The following KCNJ12 variants were observed in gnomAD, a reference collection of about 807,000 sequenced individuals.
KCNJ12 encodes the protein ATP-sensitive inward rectifier potassium channel 12.
Under a neutral mutation model 22.3 loss-of-function variants are expected in KCNJ12, and 2 were observed. The ratio of observed to expected loss-of-function variants is 0.09; its 90% CI spans 0.04 to 0.28. The LOEUF is 0.28. KCNJ12 is among the 10% of genes least tolerant of loss of function. The pLI is 1.00. For missense variants in KCNJ12, 155 were observed against 633.3 expected, an observed-to-expected ratio of 0.24 and a Z score of 8.11; for synonymous variants, 117 against 261.4, an observed-to-expected ratio of 0.45 and a Z score of 5.33.
intron 1 of KCNJ12, among the ~76,000 whole-genome samples, chr17:21,393,681 G>T (rs181303395): frequency 6.6e-6 from 1 of 152,294 alleles, no homozygotes; most frequent in East Asian, 1.9e-4. Context: ...CATGCCAGGC[G>T]CTGGAATTGT....
At position 21,417,853 on chromosome 17, in the gene KCNJ12, A is replaced by G; in HGVS notation, c.*1209A>G. ...ATCCTGTCCCTCCCTCACCTGGAGC[A>G]GCACAGCAGAGTTCAGGCAGGGCAC... On this transcript the variant is annotated 3_prime_UTR_variant, in exon 3 of 3. Coordinates refer to ENST00000583088, the MANE Select transcript of KCNJ12 (RefSeq NM_021012.5). 1 of 167,442 alleles carries G rather than the reference A, an allele frequency of 6.0e-6. No individual in the cohort carries two copies. The highest frequency in any genetic ancestry group is 1.5e-5 in the Non-Finnish European group (1 of 68,340). 10.4% of individuals were successfully genotyped at this position (167,442 alleles called of 1,614,324 possible). A position where few individuals can be genotyped will look rare whatever the true frequency, so the allele number is the denominator to read the frequency against.
chr17:21,386,727 C>T (rs1391074080), intron 1 of KCNJ12, among the ~76,000 whole-genome samples: 1 of 152,036 alleles, frequency 6.6e-6, no homozygotes, highest in Non-Finnish European at 1.5e-5. Context: ...AGGATAGTCT[C>T]GATCTCTTGA....
At chr17:21,404,981 T>C (rs1281506692) in intron 1 of KCNJ12, among the ~76,000 whole-genome samples, 1 of 152,300 alleles carries the variant, frequency 6.6e-6, no homozygotes, top group Non-Finnish European at 1.5e-5. Flanking sequence ...CGCCACGGAA[T>C]GTGAGGGGTC....
chr17:21,394,511 A>G (rs1905288019), intron 1 of KCNJ12, among the ~76,000 whole-genome samples: 2 of 152,224 alleles, frequency 1.3e-5, no homozygotes, highest in Admixed American at 6.5e-5. Context: ...TATGGTACTC[A>G]GGGGCTAAGT....
Position 21,418,018 on chromosome 17 carries a change from A to T in KCNJ12, c.*1374A>T, listed in dbSNP as rs1906944779. On this transcript the variant is annotated 3_prime_UTR_variant, in exon 3 of 3. Transcript: ENST00000583088. ...GAATCAGAAACCAGCCGTGGAACAG[A>T]ATTCCTGCCGAGTCTTCCAGGGCCG... 6.0e-6 allele frequency: 1 copy of T among 167,088 alleles called. No individual in the cohort carries two copies. The highest frequency in any genetic ancestry group is 1.5e-5 in the Non-Finnish European group (1 of 68,220). 10.4% of individuals were successfully genotyped at this position (167,088 alleles called of 1,614,324 possible). A position where few individuals can be genotyped will look rare whatever the true frequency, so the allele number is the denominator to read the frequency against.
chr17:21,419,363 TGTTTCC>T lies in KCNJ12; in HGVS notation c.*2722_*2727del. ...GGTTATGTGTCTGTCTACCCCCAGG[TGTTTCC>T]GTGTACAAGTTTCCTGTGAGGGAGG... On this transcript the variant is annotated 3_prime_UTR_variant, in exon 3 of 3. Transcript: ENST00000583088. 3 of 166,874 alleles carry T rather than the reference TGTTTCC, an allele frequency of 1.8e-5. No homozygotes were observed. 10.3% of individuals were successfully genotyped at this position (166,874 alleles called of 1,614,324 possible).
rs1555563414 is a variant in KCNJ12, at chr17:21,419,281, A to G, written c.*2637A>G. Reference sequence around the variant, plus strand: ...GTGTATGACTGGGTTAGTAATACAGATACGTGATCTATACGTGTGTGTGTG... The same window carrying G: ...GTGTATGACTGGGTTAGTAATACAGGTACGTGATCTATACGTGTGTGTGTG... On this transcript the variant is annotated 3_prime_UTR_variant, in exon 3 of 3. Coordinates refer to ENST00000583088, the MANE Select transcript of KCNJ12 (RefSeq NM_021012.5). 2 of 164,980 alleles carry G rather than the reference A, an allele frequency of 1.2e-5. No homozygotes were observed. The highest frequency in any genetic ancestry group is 2.9e-5 in the Non-Finnish European group (2 of 68,162). 10.2% of individuals were successfully genotyped at this position (164,980 alleles called of 1,614,324 possible).
chr17:21,383,231 G>T (rs1246412226), intron 1 of KCNJ12, among the ~76,000 whole-genome samples: 2 of 152,230 alleles, frequency 1.3e-5, no homozygotes, highest in Admixed American at 6.5e-5. Flanking sequence ...AGCCGGGCCC[G>T]AGCTGGCGGC....
chr17:21,379,487 C>A (rs541780563), intron 1 of KCNJ12, among the ~76,000 whole-genome samples: 3 of 152,280 alleles, frequency 2.0e-5, no homozygotes, highest in African/African-American at 7.2e-5. Flanking sequence ...CTGGCCAGGG[C>A]TTTACTGTGA....
chr17:21,377,752 A>G (rs574518590), intron 1 of KCNJ12, among the ~76,000 whole-genome samples: 7 of 152,314 alleles, frequency 4.6e-5, no homozygotes, highest in African/African-American at 1.2e-4. Flanking sequence ...TGTCATGTGA[A>G]TATTTTAAAA....
At chr17:21,393,476 C>T (rs781840738) in intron 1 of KCNJ12, among the ~76,000 whole-genome samples, 4 of 152,174 alleles carry the variant, frequency 2.6e-5, no homozygotes, top group Non-Finnish European at 5.9e-5. Context: ...GGTATGTCTC[C>T]ACTCTTGCTT....
intron 2 of KCNJ12, among the ~76,000 whole-genome samples, chr17:21,411,555 G>A (rs1336795081): frequency 3.3e-5 from 5 of 152,416 alleles, no homozygotes; most frequent in African/African-American, 4.8e-5. Flanking sequence ...GGGTGTCTGC[G>A]GAAAACGGTC....
At chr17:21,377,530 G>C (rs1194023160) in intron 1 of KCNJ12, among the ~76,000 whole-genome samples, 2 of 152,158 alleles carry the variant, frequency 1.3e-5, no homozygotes, top group Non-Finnish European at 2.9e-5. Context: ...CTTGATCTCC[G>C]AGGGGATGGC....
At chr17:21,414,362 C>G (rs2142078370) in intron 2 of KCNJ12, among the ~76,000 whole-genome samples, 2 of 152,368 alleles carry the variant, frequency 1.3e-5, no homozygotes, top group South Asian at 4.1e-4. Flanking sequence ...ATAATCCCAG[C>G]TGCTCAGGAA....
intron 2 of KCNJ12, among the ~76,000 whole-genome samples, chr17:21,414,430 G>A (rs1419484751): frequency 6.8e-6 from 1 of 147,898 alleles, no homozygotes; most frequent in African/African-American, 2.5e-5. Flanking sequence ...AGCTGAAATC[G>A]CACCATTGCA....
chr17:21,395,934 G>A (rs554175418), intron 1 of KCNJ12, among the ~76,000 whole-genome samples: 1 of 152,342 alleles, frequency 6.6e-6, no homozygotes, highest in East Asian at 1.9e-4. Context: ...GTCCTGCTGT[G>A]CCCTGCCTGC....
chr17:21,415,187 G>GA, intron 2 of KCNJ12, 100 bp from the exon 3 acceptor site: 1 of 1,259,966 alleles, frequency 7.9e-7, no homozygotes, highest in Non-Finnish European at 1.1e-6. Flanking sequence ...GGGTCAATCA[G>GA]GGTGGAAGCG....
chr17:21,402,777 C>G (rs1288690123), intron 1 of KCNJ12, among the ~76,000 whole-genome samples: 1 of 152,308 alleles, frequency 6.6e-6, no homozygotes, highest in African/African-American at 2.4e-5. Flanking sequence ...CTGGCTGGCC[C>G]TTTGTGAAGA....
In KCNJ12 at chr17:21,419,287, G is replaced by C. The variant is rs1176737158; in HGVS notation, c.*2643G>C. The C allele has an allele frequency of 6.2e-6, 1 of 161,242 alleles. No individual in the cohort carries two copies. The highest frequency in any genetic ancestry group is 1.5e-5 in the Non-Finnish European group (1 of 67,832). The allele number at this position is 161,242 out of a possible 1,614,324, so 10.0% of individuals were successfully genotyped here. A position where few individuals can be genotyped will look rare whatever the true frequency, so the allele number is the denominator to read the frequency against. ...GACTGGGTTAGTAATACAGATACGT[G>C]ATCTATACGTGTGTGTGTGTGTGTG... On this transcript the variant is annotated 3_prime_UTR_variant, in exon 3 of 3. Transcript: ENST00000583088.
Sources: allele counts gnomAD v4.1 joint callset (sites outside exome capture counted in the v4.1 genomes callset), GRCh38; gene constraint gnomAD v4.1.1; transcripts MANE v1.5; gene names NCBI Gene and HGNC (gene_info 2026-07-23, HGNC 2026-07-21).